Variants in EIF2AK3 observed in about 807,000 individuals in gnomAD.
EIF2AK3 encodes eukaryotic translation initiation factor 2-alpha kinase 3.
In EIF2AK3, 50 loss-of-function variants were observed where a neutral mutation model predicts 113.5. The observed-to-expected ratio is 0.44, with a 90% CI of 0.35 to 0.56. The LOEUF (loss-of-function observed/expected upper bound fraction) is 0.56, where lower values mean the gene tolerates loss of function less well. Ranked by LOEUF, EIF2AK3 falls within the 20% of genes least tolerant of loss-of-function variation. EIF2AK3 has a pLI of 0.00. For missense variants in EIF2AK3, 1,185 were observed against 1,378.0 expected (o/e 0.86, Z 2.22); for synonymous variants, 448 against 495.4 (o/e 0.90, Z 1.27).
chr2:88,613,856 G>A lies in EIF2AK3; in HGVS notation c.309-3C>T. ...AAGTGCTGATAATTACTAATGACCT[G>A]TAAATATTAAAAATATTTTTAAAAT... On this transcript the variant is annotated splice_polypyrimidine_tract_variant and splice_region_variant and intron_variant, in intron 1 of 16. Coordinates refer to ENST00000303236, the MANE Select transcript of EIF2AK3 (RefSeq NM_004836.7). The A allele has an allele frequency of 6.2e-7, 1 of 1,608,748 alleles. No individual in the cohort carries two copies. The highest frequency in any genetic ancestry group is 8.5e-7 in the Non-Finnish European group (1 of 1,176,250).
chr2:88,610,650 A>C (rs779114513), intron 2 of EIF2AK3, among the ~76,000 whole-genome samples: 2 of 152,244 alleles, frequency 1.3e-5, no homozygotes, highest in African/African-American at 2.4e-5. Context: ...GTAAAATGCT[A>C]CTTTTCTCAT....
chr2:88,600,880 C>T lies in EIF2AK3; in HGVS notation c.439-5217G>A, dbSNP rs190712937. ...TTCCCTATTTTTCTATGCAGCCAACCCCTCTCCCCAACTGACTCACACACT... is the reference window on the plus strand; with the variant it reads ...TTCCCTATTTTTCTATGCAGCCAACTCCTCTCCCCAACTGACTCACACACT... On this transcript the variant is annotated intron_variant, in intron 2 of 16. Coordinates refer to ENST00000303236, the MANE Select transcript of EIF2AK3 (RefSeq NM_004836.7). 8.5e-5 allele frequency among the ~76,000 whole-genome samples: 13 copies of T among 152,152 alleles called. No individual in the cohort carries two copies. The East Asian group carries it at 2.5e-3, about 29-fold the overall frequency.
chr2:88,594,198 A>G (rs902377902), intron 3 of EIF2AK3: 15 of 152,296 alleles, frequency 9.8e-5, no homozygotes, highest in Admixed American at 3.3e-4. Flanking sequence ...CCACGTTTCT[A>G]TTCTTCCTTA....
rs1180860337 is a variant in EIF2AK3, at chr2:88,556,961, A to C, written c.*775T>G. 1 of 152,216 alleles carries C rather than the reference A, an allele frequency of 6.6e-6. No homozygotes were observed. The highest frequency in any genetic ancestry group is 1.5e-5 in the Non-Finnish European group (1 of 68,036). 9.4% of individuals were successfully genotyped at this position (152,216 alleles called of 1,614,324 possible). A position where few individuals can be genotyped will look rare whatever the true frequency, so the allele number is the denominator to read the frequency against. The stretch of plus-strand genomic sequence containing the variant: ...TTTGGGGGAAGTACCAACCTACAGG[A>C]TTACATATAAGACACTTAAGATTTC... On this transcript the variant is annotated 3_prime_UTR_variant, in exon 17 of 17. Coordinates refer to ENST00000303236, the MANE Select transcript of EIF2AK3 (RefSeq NM_004836.7).
Position 88,576,695 on chromosome 2 carries a change from G to A in EIF2AK3, c.1895C>T (p.Ala632Val), listed in dbSNP as rs1233975926. Residue 632 changes from alanine to valine, a missense_variant, in exon 12 of 17, where the codon GCT becomes GTT. Ala to Val is a moderately conservative substitution (Grantham distance 64). Transcript: ENST00000303236. ...AACTTCTCGCATTACCTTTTCCCGA[G>A]CCAATTCCCTGAAAGAGAGAAAATA... is the stretch of plus-strand genomic sequence containing the variant. ...KRIRLPNREL[A>V]REKVMREVKA... 1 of 1,613,926 alleles carries A rather than the reference G, an allele frequency of 6.2e-7. No homozygotes were observed. The highest frequency in any genetic ancestry group is 1.7e-5 in the Admixed American group (1 of 60,008).
In EIF2AK3 at chr2:88,574,669, G is replaced by A. The variant is rs772063741; in HGVS notation, c.2814C>T (p.Leu938=). The change falls in exon 13 of 17, where the codon CTC becomes CTT. Residue 938 remains leucine, a synonymous_variant. Transcript: ENST00000303236. Reference sequence around the variant, plus strand: ...GTGATGCTCCACAAATACAGACCTTGAGGTCCCTGTGCATCAGTCCTTTAC... The same window carrying A: ...GTGATGCTCCACAAATACAGACCTTAAGGTCCCTGTGCATCAGTCCTTTAC... ...LHSKGLMHRD[L]KPSNIFFTMD... is the part of the protein sequence containing the mutation. 6.2e-7 allele frequency: 1 copy of A among 1,614,024 alleles called. No individual in the cohort carries two copies. Among genetic ancestry groups the A allele is most frequent in the Admixed American group, 1.7e-5 (1 of 59,992 alleles).
Position 88,556,766 on chromosome 2 carries a change from T to C in EIF2AK3, c.*970A>G, listed in dbSNP as rs1673786501. 1 of 152,218 alleles carries C rather than the reference T, an allele frequency of 6.6e-6. No individual in the cohort carries two copies. Among genetic ancestry groups the C allele is most frequent in the Admixed American group, 6.5e-5 (1 of 15,278 alleles). The allele number at this position is 152,218 out of a possible 1,614,324, so 9.4% of individuals were successfully genotyped here. A position where few individuals can be genotyped will look rare whatever the true frequency, so the allele number is the denominator to read the frequency against. ...TTAATTTAAAAAAAGTTTTATTAAA[T>C]CATTTAGACTTGAAAGAAGTCACAA... On this transcript the variant is annotated 3_prime_UTR_variant, in exon 17 of 17. Transcript: ENST00000303236.
At position 88,557,706 on chromosome 2, in the gene EIF2AK3, A is replaced by C. The variant is rs774002427; in HGVS notation, c.*30T>G. 6 of 1,608,510 alleles carry C rather than the reference A, an allele frequency of 3.7e-6. No homozygotes were observed. The South Asian group carries it at 5.5e-5, about 15-fold the overall frequency. ...TAAGAAGTAGGCTATTATCTGCATCACCTATTAGGGTTGCTAGCACAACTT... is the reference window on the plus strand; with the variant it reads ...TAAGAAGTAGGCTATTATCTGCATCCCCTATTAGGGTTGCTAGCACAACTT... On this transcript the variant is annotated 3_prime_UTR_variant, in exon 17 of 17. Transcript: ENST00000303236.
At chr2:88,579,751 C>T in intron 10 of EIF2AK3, 111 bp from the exon 11 acceptor site, 7 of 986,934 alleles carry the variant, frequency 7.1e-6, no homozygotes, top group Non-Finnish European at 1.1e-5. Flanking sequence ...TCATAGAACT[C>T]ATCTTAATAA....
chr2:88,593,967 CG>C (rs1436837258), intron 3 of EIF2AK3: 1 of 990,268 alleles, frequency 1.0e-6, no homozygotes, highest in African/African-American at 1.7e-5. Context: ...ACCAGGTGAT[CG>C]GGTTCAATCC....
intron 11 of EIF2AK3, among the ~76,000 whole-genome samples, chr2:88,578,744 C>G (rs1266886273): frequency 1.3e-5 from 2 of 150,498 alleles, no homozygotes; most frequent in African/African-American, 4.9e-5. Context: ...ATTGCTGGAA[C>G]CCTATCATCT....
Position 88,585,714 on chromosome 2 carries a change from T to A in EIF2AK3, c.1650+127A>T. On this transcript the variant is annotated intron_variant, in intron 9 of 16. Transcript: ENST00000303236. ...TCCATTACATTTAACACAAGGAAGA[T>A]CACTGAGAACTTTGGCAAGAGTAGC... is the stretch of plus-strand genomic sequence containing the variant. The A allele has an allele frequency of 3.7e-6, 3 of 810,730 alleles. No homozygotes were observed. In the South Asian group the frequency reaches 5.4e-5, roughly 15 times the overall value. 50.2% of individuals were successfully genotyped at this position (810,730 alleles called of 1,614,324 possible).
chr2:88,619,682 G>C (rs1320724159), intron 1 of EIF2AK3, among the ~76,000 whole-genome samples: 1 of 152,052 alleles, frequency 6.6e-6, no homozygotes, highest in African/African-American at 2.4e-5. Flanking sequence ...GGCTGGGCAC[G>C]GTGACTCACC....
chr2:88,596,004 A>G (rs1675011372), intron 2 of EIF2AK3: 1 of 378,538 alleles, frequency 2.6e-6, no homozygotes, highest in Admixed American at 4.3e-5. Flanking sequence ...GTTCAAGAAG[A>G]GGTTACTATA....
At chr2:88,563,107 C>T (rs967620197) in intron 14 of EIF2AK3, among the ~76,000 whole-genome samples, 1 of 114,398 alleles carries the variant, frequency 8.7e-6, no homozygotes, top group African/African-American at 5.3e-5. Context: ...CTCAGAAGAA[C>T]CCCTTTATTT....
chr2:88,570,332 C>T (rs534493730), intron 14 of EIF2AK3, among the ~76,000 whole-genome samples: 17 of 152,314 alleles, frequency 1.1e-4, no homozygotes, highest in Admixed American at 6.5e-4. Flanking sequence ...AGCATGCTCG[C>T]CTGATGCTTC....
chr2:88,585,248 T>C (rs1242364517), intron 9 of EIF2AK3, among the ~76,000 whole-genome samples: 1 of 151,970 alleles, frequency 6.6e-6, no homozygotes, highest in Non-Finnish European at 1.5e-5. Flanking sequence ...GCAAAATGAT[T>C]TCATGGCTTT....
At position 88,613,213 on chromosome 2, in the gene EIF2AK3, T is replaced by C. The variant is rs546159429; in HGVS notation, c.438+511A>G. 3.3e-5 allele frequency among the ~76,000 whole-genome samples: 5 copies of C among 152,264 alleles called. No individual in the cohort carries two copies. In the East Asian group the frequency reaches 9.6e-4, roughly 29 times the overall value. On this transcript the variant is annotated intron_variant, in intron 2 of 16. Transcript: ENST00000303236. ...ATCTATGCTCTTTCCCCTCTACTAT[T>C]CTAGAGCTCCAAATTATTAAGTACA...
chr2:88,625,284 TACACACACACACACACACACAC>T (rs375827301), intron 1 of EIF2AK3, among the ~76,000 whole-genome samples: 6 of 135,148 alleles, frequency 4.4e-5, no homozygotes, highest in African/African-American at 1.3e-4. Flanking sequence ...ATCGCTTACG[TACACACACACACACACACACAC>T]ACACACACAC....
Sources: allele counts gnomAD v4.1 joint callset (sites outside exome capture counted in the v4.1 genomes callset), GRCh38; gene constraint gnomAD v4.1.1; transcripts MANE v1.5; gene names NCBI Gene and HGNC (gene_info 2026-07-23, HGNC 2026-07-21).